The following CASP5 variants were observed in gnomAD, a reference collection of about 807,000 sequenced individuals.
The protein encoded by CASP5 is caspase 5.
In CASP5, 42 loss-of-function variants were observed where a neutral mutation model predicts 45.2. That is an observed-to-expected ratio of 0.93 (90% confidence interval 0.73 to 1.20). CASP5 has a LOEUF of 1.20. CASP5 is among the 50% of genes most tolerant of loss of function. CASP5 has a pLI of 0.00. For missense variants in CASP5, 512 were observed against 532.2 expected (o/e 0.96, Z 0.37); for synonymous variants, 209 against 186.2 (o/e 1.12, Z -1.00).
At chr11:105,005,767 G>A (rs528431104) in intron 3 of CASP5, among the ~76,000 whole-genome samples, 2 of 152,080 alleles carry the variant, frequency 1.3e-5, no homozygotes, top group African/African-American at 4.8e-5. Context: ...TTTGAAGCCC[G>A]TATTGCTACA....
chr11:105,009,939 A>G (rs1240536454), intron 1 of CASP5, among the ~76,000 whole-genome samples: 2 of 147,984 alleles, frequency 1.4e-5, no homozygotes, highest in East Asian at 3.9e-4. Context: ...ACACACACAC[A>G]CACACATATA....
intron 4 of CASP5, among the ~76,000 whole-genome samples, 166 bp downstream of exon 4, chr11:105,003,108 G>C (rs1295168805): frequency 6.6e-6 from 1 of 152,102 alleles, no homozygotes; most frequent in African/African-American, 2.4e-5. Context: ...GCTGAGGCTG[G>C]AGAATCTCTT....
At chr11:105,003,420 CCT>C in intron 3 of CASP5, 37 bp from the exon 4 acceptor site, 1 of 1,104,302 alleles carries the variant, frequency 9.1e-7, no homozygotes, top group Non-Finnish European at 1.3e-6. Context: ...ATGGTTTCTG[CCT>C]CTGTGACCCA....
rs1367684093 is a variant in CASP5, at chr11:104,998,908, A to G, written c.1073T>C (p.Ile358Thr). The G allele has an allele frequency of 1.2e-6, 2 of 1,613,780 alleles. No homozygotes were observed. Among genetic ancestry groups the G allele is most frequent in the Non-Finnish European group, 1.7e-6 (2 of 1,179,874 alleles). ...VCKIHEEKDF[I>T]AFCSSTPHNV... is the part of the protein sequence containing the mutation. ...ACGTGGTGTTGAAGAACAGAAAGCAATGAAGTCCTTCTCCTCGTGGATCTT... is the reference window on the plus strand; with the variant it reads ...ACGTGGTGTTGAAGAACAGAAAGCAGTGAAGTCCTTCTCCTCGTGGATCTT... Residue 358 changes from isoleucine (I) to threonine (T), a missense_variant, in exon 7 of 10, where the codon ATT becomes ACT. By Grantham distance (89) the Ile-to-Thr change is moderately conservative. Coordinates refer to ENST00000260315, the MANE Select transcript of CASP5 (RefSeq NM_004347.5).
At chr11:105,000,987 G>C (rs186171199) in intron 5 of CASP5, among the ~76,000 whole-genome samples, 199 of 152,234 alleles carry the variant, frequency 1.3e-3, no homozygotes, top group Non-Finnish European at 2.2e-3. Context: ...TTTCAGCTCA[G>C]CTCTTTCACA....
chr11:104,998,900 A>G lies in CASP5; in HGVS notation c.1081T>C (p.Cys361Arg), dbSNP rs760408146. Residue 361 changes from cysteine to arginine, a missense_variant, in exon 7 of 10, where the codon TGT becomes CGT. By Grantham distance (180) the Cys-to-Arg change is radical (BLOSUM62 -3). Coordinates refer to ENST00000260315, the MANE Select transcript of CASP5 (RefSeq NM_004347.5). ...IHEEKDFIAF[C>R]SSTPHNVSWR... ...AGACACATACGTGGTGTTGAAGAAC[A>G]GAAAGCAATGAAGTCCTTCTCCTCG... 3.1e-6 allele frequency: 5 copies of G among 1,613,636 alleles called. No individual in the cohort carries two copies. The South Asian group carries it at 4.4e-5, about 14-fold the overall frequency.
chr11:104,997,855 G>A (rs945043291), intron 7 of CASP5, among the ~76,000 whole-genome samples: 1 of 152,094 alleles, frequency 6.6e-6, no homozygotes, highest in Non-Finnish European at 1.5e-5. Context: ...AAACTTTTAG[G>A]TTCAGTGAGG....
chr11:105,004,952 G>A (rs1404126063), intron 3 of CASP5, among the ~76,000 whole-genome samples: 2 of 152,132 alleles, frequency 1.3e-5, no homozygotes, highest in Non-Finnish European at 2.9e-5. Flanking sequence ...ACTTTTATGT[G>A]TCTGTGTGTA....
At position 104,995,690 on chromosome 11, in the gene CASP5, C is replaced by T. The variant is rs3181333; in HGVS notation, c.*4+50G>A. On this transcript the variant is annotated intron_variant, in intron 9 of 9. Coordinates refer to ENST00000260315, the MANE Select transcript of CASP5 (RefSeq NM_004347.5). Reference sequence around the variant, plus strand: ...GTCATTGGTCATTGAACTTCACCACCGATATAGCTCTTTCATTTATTTCAC... The same window carrying T: ...GTCATTGGTCATTGAACTTCACCACTGATATAGCTCTTTCATTTATTTCAC... 8.1e-3 allele frequency: 9,733 copies of T among 1,204,426 alleles called. 327 individuals are homozygous for T. In the African/African-American group the frequency reaches 0.083, roughly 10 times the overall value. 74.6% of individuals were successfully genotyped at this position (1,204,426 alleles called of 1,614,324 possible).
At chr11:105,002,823 A>T (rs17446518) in intron 4 of CASP5, among the ~76,000 whole-genome samples, 12,862 of 152,270 alleles carry the variant, frequency 0.084, 746 homozygotes, top group South Asian at 0.24. Context: ...GTTTGAAGCC[A>T]TATGAACCCT....
Position 105,000,439 on chromosome 11 carries a change from G to GT in CASP5, c.773dup (p.Asp258GlufsTer22). 1 of 1,614,150 alleles carries GT rather than the reference G, an allele frequency of 6.2e-7. No homozygotes were observed. The highest frequency in any genetic ancestry group is 8.5e-7 in the Non-Finnish European group (1 of 1,179,996). ...GAGACATGAGTACCAAGAACGTGCT[G>GT]TCAGAGGACTTGTGCTCTGGTCTGG... On this transcript the variant is annotated frameshift_variant, in exon 6 of 10. Coordinates refer to ENST00000260315, the MANE Select transcript of CASP5 (RefSeq NM_004347.5). LOFTEE classifies it high-confidence loss of function.
chr11:105,000,036 C>T (rs1012708662), intron 6 of CASP5, among the ~76,000 whole-genome samples: 45 of 152,200 alleles, frequency 3.0e-4, no homozygotes, highest in Non-Finnish European at 7.3e-5. Context: ...ATCTCCTTCA[C>T]CACTTCCTTC....
chr11:105,011,542 T>G (rs1317777932), intron 1 of CASP5, among the ~76,000 whole-genome samples: 1 of 151,634 alleles, frequency 6.6e-6, no homozygotes, highest in Non-Finnish European at 1.5e-5. Context: ...TTACATATAT[T>G]AAGAAAACCC....
chr11:105,017,949 G>A (rs1450950554), intron 1 of CASP5, among the ~76,000 whole-genome samples: 1 of 152,172 alleles, frequency 6.6e-6, no homozygotes, highest in Non-Finnish European at 1.5e-5. Flanking sequence ...CAGACTAACA[G>A]CAGATCTCTC....
intron 4 of CASP5, among the ~76,000 whole-genome samples, chr11:105,002,809 A>G (rs1010224887): frequency 2.0e-5 from 3 of 152,198 alleles, no homozygotes; most frequent in Non-Finnish European, 2.9e-5. Context: ...GAGCACTGGT[A>G]TTTGTTTGAA....
At chr11:105,013,355 T>C (rs1314318023) in intron 1 of CASP5, among the ~76,000 whole-genome samples, 1 of 151,640 alleles carries the variant, frequency 6.6e-6, no homozygotes, top group Admixed American at 6.6e-5. Context: ...CACCACATAG[T>C]GACTATAGTC....
At chr11:105,018,875 C>T (rs1467071447) in intron 1 of CASP5, among the ~76,000 whole-genome samples, 61 of 148,802 alleles carry the variant, frequency 4.1e-4, no homozygotes, top group Non-Finnish European at 8.1e-4. Context: ...CCACACCACA[C>T]CTATTCCAAA....
rs1032136231 is a variant in CASP5, at chr11:105,021,226, T to C, written c.7+1904A>G. Reference sequence around the variant, plus strand: ...AAACCCTAGAAGAAAACCTAGACATTACCATTCAGGACATAGGCATGGGCA... The same window carrying C: ...AAACCCTAGAAGAAAACCTAGACATCACCATTCAGGACATAGGCATGGGCA... On this transcript the variant is annotated intron_variant, in intron 1 of 9. Coordinates refer to ENST00000260315, the MANE Select transcript of CASP5 (RefSeq NM_004347.5). Among the ~76,000 whole-genome samples the C allele has an allele frequency of 1.3e-4, 19 of 151,084 alleles. No individual in the cohort carries two copies. The East Asian group carries it at 1.7e-3, about 14-fold the overall frequency.
intron 1 of CASP5, among the ~76,000 whole-genome samples, chr11:105,017,628 C>T (rs2134756025): frequency 6.6e-6 from 1 of 152,138 alleles, no homozygotes; most frequent in South Asian, 2.1e-4. Flanking sequence ...AAGAAATGAG[C>T]AAAGCCTCCA....
Sources: gnomAD v4.1 joint callset for allele counts (sites outside exome capture counted in the v4.1 genomes callset) on GRCh38, gnomAD v4.1.1 for gene constraint, MANE v1.5 for transcripts, NCBI Gene and HGNC (gene_info 2026-07-23, HGNC 2026-07-21) for gene names.